The following ZSWIM6 variants were observed in gnomAD, a reference collection of about 807,000 sequenced individuals.
ZSWIM6 encodes the protein zinc finger SWIM-type containing 6.
In ZSWIM6, 9 loss-of-function variants were observed where a neutral mutation model predicts 113.2. That is an observed-to-expected ratio of 0.08 (90% CI 0.05 to 0.14). The LOEUF (loss-of-function observed/expected upper bound fraction) is 0.14, where lower values mean the gene tolerates loss of function less well. Ranked by LOEUF, ZSWIM6 falls within the 10% of genes least tolerant of loss-of-function variation. The pLI is 1.00. For missense variants in ZSWIM6, 1,162 were observed against 1,552.2 expected (o/e 0.75, Z 4.22); for synonymous variants, 611 against 606.5 (o/e 1.01, Z -0.11).
chr5:61,439,315 T>C (rs987188662), intron 1 of ZSWIM6, among the ~76,000 whole-genome samples: 2 of 152,198 alleles, frequency 1.3e-5, no homozygotes, highest in East Asian at 3.8e-4. Flanking sequence ...TACCATTATG[T>C]TCTGGGAGCC....
chr5:61,478,206 ATAGT>A (rs758143271), intron 2 of ZSWIM6, among the ~76,000 whole-genome samples: 22 of 152,202 alleles, frequency 1.4e-4, no homozygotes, highest in Non-Finnish European at 3.1e-4. Flanking sequence ...TCTGTAGGAG[ATAGT>A]TAAAGTTGCT....
In ZSWIM6 at chr5:61,520,215, T is replaced by G. The variant is rs143823272; in HGVS notation, c.1334-1048T>G. Among the ~76,000 whole-genome samples, 825 of 152,306 alleles carry G rather than the reference T, an allele frequency of 5.4e-3. 9 individuals are homozygous for G. Among genetic ancestry groups the G allele is most frequent in the African/African-American group, 0.019 (793 of 41,560 alleles). ...CATAAACAGTTTTCATTCCTACCATTATTATGCATTTAACAAATGATTAAA... is the reference window on the plus strand; with the variant it reads ...CATAAACAGTTTTCATTCCTACCATGATTATGCATTTAACAAATGATTAAA... On this transcript the variant is annotated intron_variant, in intron 4 of 13. Transcript: ENST00000252744.
intron 3 of ZSWIM6, among the ~76,000 whole-genome samples, chr5:61,491,984 C>G (rs1171404410): frequency 6.6e-6 from 1 of 152,018 alleles, no homozygotes; most frequent in Non-Finnish European, 1.5e-5. Context: ...AACTCTAATA[C>G]TACTTTACAC....
At chr5:61,542,035 A>C (rs1749754195) in intron 13 of ZSWIM6, 70 bp downstream of exon 13, 2 of 1,342,672 alleles carry the variant, frequency 1.5e-6, no homozygotes. Flanking sequence ...AGTTACAGAC[A>C]TGTGAACATA....
Position 61,530,157 on chromosome 5 carries a change from G to C in ZSWIM6, c.1943G>C (p.Arg648Pro), listed in dbSNP as rs983495066. The C allele has an allele frequency of 6.4e-7, 1 of 1,551,782 alleles. No homozygotes were observed. Among genetic ancestry groups the C allele is most frequent in the Admixed American group, 2.0e-5 (1 of 51,000 alleles). ...TLFSSLMEAC[R>P]IDDENLSGFS... ...TTCAGTAGCCTTATGGAAGCCTGCC[G>C]CATTGATGATGAGAACCTCTCTGGG... The change falls in exon 8 of 14, where the codon CGC (arginine) becomes CCC (proline). Residue 648 changes from arginine (R) to proline (P), a missense_variant. By Grantham distance (103) the Arg-to-Pro change is moderately radical (BLOSUM62 -2). Coordinates refer to ENST00000252744, the MANE Select transcript of ZSWIM6 (RefSeq NM_020928.2).
At chr5:61,537,218 A>T (rs893641629) in intron 10 of ZSWIM6, among the ~76,000 whole-genome samples, 1 of 152,218 alleles carries the variant, frequency 6.6e-6, no homozygotes, top group South Asian at 2.1e-4. Context: ...AAACTCATTT[A>T]TATTTGTCCT....
At chr5:61,473,140 C>T (rs1006678599) in intron 2 of ZSWIM6, 103 bp downstream of exon 2, 55 of 718,478 alleles carry the variant, frequency 7.7e-5, no homozygotes, top group African/African-American at 5.0e-4. Context: ...AATAGATCAT[C>T]AGCATTGCTC....
chr5:61,449,352 T>C (rs1747036339), intron 1 of ZSWIM6, among the ~76,000 whole-genome samples: 2 of 152,188 alleles, frequency 1.3e-5, no homozygotes, highest in Admixed American at 6.5e-5. Context: ...TATAAAACTT[T>C]TTTAGCAATT....
At chr5:61,438,988 A>G (rs936305766) in intron 1 of ZSWIM6, among the ~76,000 whole-genome samples, 4 of 152,234 alleles carry the variant, frequency 2.6e-5, no homozygotes, top group African/African-American at 9.6e-5. Flanking sequence ...TCTGGCAGCT[A>G]TATTGCAAAA....
At chr5:61,365,141 C>G (rs1469502134) in intron 1 of ZSWIM6, among the ~76,000 whole-genome samples, 1 of 152,040 alleles carries the variant, frequency 6.6e-6, no homozygotes, top group Non-Finnish European at 1.5e-5. Flanking sequence ...CACCTGAGGT[C>G]AGGAGTTCGA....
At chr5:61,478,802 T>C (rs1264361246) in intron 2 of ZSWIM6, among the ~76,000 whole-genome samples, 2 of 152,154 alleles carry the variant, frequency 1.3e-5, no homozygotes, top group Non-Finnish European at 2.9e-5. Context: ...TTGAATTTTG[T>C]AAGTACTGCT....
intron 2 of ZSWIM6, among the ~76,000 whole-genome samples, chr5:61,482,184 T>G (rs1277961786): frequency 6.6e-6 from 1 of 152,206 alleles, no homozygotes; most frequent in Non-Finnish European, 1.5e-5. Flanking sequence ...TATATAAGGC[T>G]TAGGCAACAT....
chr5:61,413,301 C>T (rs890541147), intron 1 of ZSWIM6, among the ~76,000 whole-genome samples: 1 of 151,316 alleles, frequency 6.6e-6, no homozygotes, highest in Non-Finnish European at 1.5e-5. Flanking sequence ...CAATAGTTTA[C>T]TGAGAATGAT....
intron 1 of ZSWIM6, among the ~76,000 whole-genome samples, chr5:61,341,919 G>T (rs1235301498): frequency 9.2e-5 from 9 of 97,434 alleles, no homozygotes; most frequent in Admixed American, 4.6e-4. Flanking sequence ...TCCCTTTGTT[G>T]CCCAGGCTGG....
chr5:61,344,726 G>A (rs1384939277), intron 1 of ZSWIM6, among the ~76,000 whole-genome samples: 1 of 152,192 alleles, frequency 6.6e-6, no homozygotes, highest in Non-Finnish European at 1.5e-5. Flanking sequence ...CTGCTGCTTA[G>A]CTGCTATTTT....
chr5:61,529,148 A>G (rs936572555), intron 7 of ZSWIM6, among the ~76,000 whole-genome samples: 2 of 152,224 alleles, frequency 1.3e-5, no homozygotes, highest in African/African-American at 4.8e-5. Context: ...TGGAGGTTGC[A>G]GTGAGCCAAG....
intron 1 of ZSWIM6, among the ~76,000 whole-genome samples, chr5:61,366,153 C>T (rs1240489691): frequency 1.3e-5 from 2 of 152,216 alleles, no homozygotes; most frequent in Non-Finnish European, 2.9e-5. Flanking sequence ...GCCTTGGCCT[C>T]TCAAAGTGCT....
intron 1 of ZSWIM6, among the ~76,000 whole-genome samples, chr5:61,352,852 A>G (rs939631599): frequency 3.3e-5 from 5 of 152,226 alleles, no homozygotes; most frequent in African/African-American, 4.8e-5. Flanking sequence ...GTGTGTAGTT[A>G]GAGCACGAGA....
At chr5:61,333,006 G>GC in intron 1 of ZSWIM6, 58 bp downstream of exon 1, 1 of 685,002 alleles carries the variant, frequency 1.5e-6, no homozygotes, top group Non-Finnish European at 1.9e-6. Context: ...GGGTGGGGGG[G>GC]GGGTGCCCGC....
Sources: allele counts gnomAD v4.1 joint callset (sites outside exome capture counted in the v4.1 genomes callset), GRCh38; gene constraint gnomAD v4.1.1; transcripts MANE v1.5; gene names NCBI Gene and HGNC (gene_info 2026-07-23, HGNC 2026-07-21).